EXPH5: variants seen among roughly 807,000 people sequenced by gnomAD.
The protein encoded by EXPH5 is exophilin 5.
In EXPH5, 42 loss-of-function variants were observed where a neutral mutation model predicts 41.1. That is an observed-to-expected ratio of 1.02 (90% CI 0.80 to 1.32). The LOEUF (loss-of-function observed/expected upper bound fraction) is 1.32. EXPH5 is among the 40% of genes most tolerant of loss of function. The pLI, the probability that EXPH5 is intolerant of heterozygous loss-of-function variation, is 0.00. For synonymous variants in EXPH5, 798 were observed against 833.5 expected, an observed-to-expected ratio of 0.96 and a Z score of 0.73; for missense variants, 2,298 against 2,314.5, an observed-to-expected ratio of 0.99 and a Z score of 0.15.
chr11:108,574,701 T>A (rs778731766), intron 1 of EXPH5, among the ~76,000 whole-genome samples: 2 of 152,220 alleles, frequency 1.3e-5, no homozygotes, highest in Non-Finnish European at 2.9e-5. Flanking sequence ...TTTCTTGCTT[T>A]TCTAATTCCC....
chr11:108,583,074 A>G (rs1591759546), intron 1 of EXPH5, among the ~76,000 whole-genome samples: 1 of 152,128 alleles, frequency 6.6e-6, no homozygotes, highest in Non-Finnish European at 1.5e-5. Context: ...TTGATATTCT[A>G]AAATCAATTA....
intron 5 of EXPH5, among the ~76,000 whole-genome samples, chr11:108,515,196 A>C (rs1014397032): frequency 2.0e-5 from 3 of 152,076 alleles, no homozygotes; most frequent in African/African-American, 7.2e-5. Flanking sequence ...AAGTGTATTG[A>C]GTTTTTCTAA....
In EXPH5 at chr11:108,541,790, C is replaced by T; in HGVS notation, c.142G>A (p.Asp48Asn). 1 of 1,598,452 alleles carries T rather than the reference C, an allele frequency of 6.3e-7. No homozygotes were observed. Among genetic ancestry groups the T allele is most frequent in the Non-Finnish European group, 8.5e-7 (1 of 1,175,802 alleles). ...GTCACTCCCTGAAGCCATCTGATAT[C>T]CCTCTTTGTCTTCTGAAGTTTGCTG... ...RISKLQKTKR[D>N]IRWLQGVTGE... Residue 48 changes from aspartate to asparagine, a missense_variant, in exon 2 of 6, where the codon GAT becomes AAT. By Grantham distance (23) the Asp-to-Asn change is conservative. Transcript: ENST00000265843.
rs1164663641 is a variant in EXPH5 at position 108,511,365 on chromosome 11, T to G, written c.4142A>C (p.Asn1381Thr). ...LAKTPLGDSENKKERGKKLQS... is the reference protein window; with the variant it reads ...LAKTPLGDSETKKERGKKLQS... ...CAACTTTTTGCCTCTTTCCTTCTTG[T>G]TTTCTGAATCACCTAGAGGTGTTTT... Residue 1381 changes from asparagine (N) to threonine (T), a missense_variant, in exon 6 of 6, where the codon AAC becomes ACC. By Grantham distance (65) the Asn-to-Thr change is moderately conservative. Coordinates refer to ENST00000265843, the MANE Select transcript of EXPH5 (RefSeq NM_015065.3). The G allele has an allele frequency of 1.9e-6, 3 of 1,583,228 alleles. No homozygotes were observed. In the African/African-American group the frequency reaches 4.1e-5, roughly 22 times the overall value.
chr11:108,519,950 CAAAAAAAAAA>C (rs71050861), intron 4 of EXPH5, among the ~76,000 whole-genome samples: 12 of 62,052 alleles, frequency 1.9e-4, no homozygotes, highest in African/African-American at 7.4e-4. Flanking sequence ...GACTCTGTCT[CAAAAAAAAAA>C]AAAAAAAAAA....
intron 1 of EXPH5, chr11:108,568,187 A>C (rs867747577): frequency 8.1e-5 from 9 of 111,204 alleles, no homozygotes; most frequent in East Asian, 2.8e-4. Context: ...GGAGGGGGGG[A>C]GGGCGTCTCA....
chr11:108,576,759 A>T (rs529240012), intron 1 of EXPH5, among the ~76,000 whole-genome samples: 1 of 152,274 alleles, frequency 6.6e-6, no homozygotes, highest in Admixed American at 6.5e-5. Context: ...CTTTACTTCT[A>T]GCTATTTTGA....
chr11:108,581,705 C>T (rs1025149553), intron 1 of EXPH5, among the ~76,000 whole-genome samples: 1 of 151,796 alleles, frequency 6.6e-6, no homozygotes, highest in Non-Finnish European at 1.5e-5. Flanking sequence ...CAAAGTAAGA[C>T]AAAAAGCAGG....
chr11:108,575,110 A>G (rs1356969925), intron 1 of EXPH5, among the ~76,000 whole-genome samples: 3 of 152,260 alleles, frequency 2.0e-5, no homozygotes, highest in African/African-American at 7.2e-5. Context: ...CTATGTGAAT[A>G]GACAATTCAC....
intron 1 of EXPH5, among the ~76,000 whole-genome samples, chr11:108,590,788 A>C (rs551249818): frequency 6.6e-6 from 1 of 152,308 alleles, no homozygotes; most frequent in African/African-American, 2.4e-5. Context: ...CTAGTACTGC[A>C]AGTATGTGCC....
At chr11:108,516,289 C>A (rs1024428649) in intron 5 of EXPH5, among the ~76,000 whole-genome samples, 1 of 152,064 alleles carries the variant, frequency 6.6e-6, no homozygotes, top group Non-Finnish European at 1.5e-5. Flanking sequence ...AAGACCTAGA[C>A]CAAGCCCAGA....
Position 108,505,641 on chromosome 11 carries a change from A to G in EXPH5, c.*3896T>C, listed in dbSNP as rs139855999. On this transcript the variant is annotated 3_prime_UTR_variant, in exon 6 of 6. Transcript: ENST00000265843. ...GCCACTAAGTGGCAATACAGCCACA[A>G]ACTTGCCTGGGAAGTAAAATATTTT... 1 of 152,366 alleles carries G rather than the reference A, an allele frequency of 6.6e-6. No individual in the cohort carries two copies. The highest frequency in any genetic ancestry group is 1.9e-4 in the East Asian group (1 of 5,190). The allele number at this position is 152,366 out of a possible 1,614,324, so 9.4% of individuals were successfully genotyped here. A position where few individuals can be genotyped will look rare whatever the true frequency, so the allele number is the denominator to read the frequency against.
At chr11:108,556,817 T>C (rs1211336851) in intron 1 of EXPH5, among the ~76,000 whole-genome samples, 1 of 150,630 alleles carries the variant, frequency 6.6e-6, no homozygotes, top group Non-Finnish European at 1.5e-5. Context: ...ATGTAAGATA[T>C]ATCATGCCAT....
At chr11:108,570,317 C>T (rs1486173876) in intron 1 of EXPH5, among the ~76,000 whole-genome samples, 1 of 151,844 alleles carries the variant, frequency 6.6e-6, no homozygotes, top group Non-Finnish European at 1.5e-5. Context: ...TGCAGTGGTA[C>T]AATCTTGGCT....
chr11:108,541,797 T>C lies in EXPH5; in HGVS notation c.135A>G (p.Thr45=), dbSNP rs2093914515. ...CCTGAAGCCATCTGATATCCCTCTT[T>C]GTCTTCTGAAGTTTGCTGAAATAAA... is the stretch of plus-strand genomic sequence containing the variant. ...EKDRISKLQK[T]KRDIRWLQGV... Residue 45 remains threonine (T), a synonymous_variant, in exon 2 of 6, where the codon ACA becomes ACG. Coordinates refer to ENST00000265843, the MANE Select transcript of EXPH5 (RefSeq NM_015065.3). The C allele has an allele frequency of 6.3e-7, 1 of 1,598,126 alleles. No homozygotes were observed. Among genetic ancestry groups the C allele is most frequent in the Admixed American group, 1.8e-5 (1 of 55,670 alleles).
chr11:108,540,025 T>C (rs1591713449), intron 2 of EXPH5, among the ~76,000 whole-genome samples: 1 of 152,156 alleles, frequency 6.6e-6, no homozygotes, highest in East Asian at 1.9e-4. Flanking sequence ...ATATACAAAA[T>C]CCATAATATT....
At chr11:108,594,862 A>G (rs562803180), upstream of EXPH5, among the ~76,000 whole-genome samples, 4 of 152,236 alleles carry the variant, frequency 2.6e-5, no homozygotes, top group Non-Finnish European at 5.9e-5. Flanking sequence ...ACCCCATTTG[A>G]TCATCATTAT....
In EXPH5 at chr11:108,512,930, T is replaced by C. The variant is rs1346233507; in HGVS notation, c.2577A>G (p.Ala859=). Residue 859 remains alanine, a synonymous_variant, in exon 6 of 6, where the codon GCA becomes GCG. Coordinates refer to ENST00000265843, the MANE Select transcript of EXPH5 (RefSeq NM_015065.3). ...WSSALTDTQN[A]QYSKCKLTPG... ...GAGTTAACTTGCATTTTGAGTATTG[T>C]GCATTTTGAGTATCAGTCAGTGCAG... The C allele has an allele frequency of 1.2e-6, 2 of 1,613,184 alleles. No individual in the cohort carries two copies. The highest frequency in any genetic ancestry group is 1.1e-5 in the South Asian group (1 of 90,872).
At chr11:108,527,861 T>C (rs568648772) in intron 4 of EXPH5, among the ~76,000 whole-genome samples, 38 of 152,296 alleles carry the variant, frequency 2.5e-4, no homozygotes, top group Admixed American at 6.5e-5. Context: ...ACCTCAGGGC[T>C]GTACAGGGGC....
Sources: allele counts gnomAD v4.1 joint callset (sites outside exome capture counted in the v4.1 genomes callset), GRCh38; gene constraint gnomAD v4.1.1; transcripts MANE v1.5; gene names NCBI Gene and HGNC (gene_info 2026-07-23, HGNC 2026-07-21).